The following KCNG3 variants were observed in gnomAD, a reference collection of about 807,000 sequenced individuals.
KCNG3 encodes the protein voltage-gated potassium channel regulatory subunit KCNG3.
In KCNG3, 15 loss-of-function variants were observed where a neutral mutation model predicts 29.0. The observed-to-expected ratio is 0.52, with a 90% CI of 0.35 to 0.80. The LOEUF (loss-of-function observed/expected upper bound fraction) is 0.80. Ranked by LOEUF, KCNG3 falls within the 30% of genes least tolerant of loss-of-function variation. The probability of loss-of-function intolerance (pLI) is 0.01; values close to 1 mark genes in which losing one functional copy is unlikely to be tolerated. For synonymous variants in KCNG3, 322 were observed against 248.9 expected, an observed-to-expected ratio of 1.29 and a Z score of -2.76; for missense variants, 512 against 605.7, an observed-to-expected ratio of 0.85 and a Z score of 1.62.
intron 1 of KCNG3, among the ~76,000 whole-genome samples, chr2:42,464,898 T>C (rs1673102875): frequency 6.6e-6 from 1 of 152,132 alleles, no homozygotes; most frequent in African/African-American, 2.4e-5. Flanking sequence ...AGTAGGGCTG[T>C]GTGTCTTTAA....
At chr2:42,418,683 T>A in the KCNG3 span, among the ~76,000 whole-genome samples, 1 of 152,178 alleles carries the variant, frequency 6.6e-6, no homozygotes, top group African/African-American at 2.4e-5. Context: ...GTTAAAAACA[T>A]GTATCATAAA....
the KCNG3 span, among the ~76,000 whole-genome samples, chr2:42,394,454 CCTT>C: frequency 1.3e-5 from 2 of 152,190 alleles, no homozygotes; most frequent in Non-Finnish European, 2.9e-5. Context: ...TTAGCTCAGG[CCTT>C]CTCTAGACCC....
intron 1 of KCNG3, among the ~76,000 whole-genome samples, chr2:42,462,942 A>T (rs1163973096): frequency 6.6e-6 from 1 of 152,176 alleles, no homozygotes; most frequent in Non-Finnish European, 1.5e-5. Context: ...TCTACAGCTA[A>T]AAGGACCTTT....
downstream of KCNG3, among the ~76,000 whole-genome samples, chr2:42,441,077 G>T (rs745427565): frequency 6.6e-6 from 1 of 152,070 alleles, no homozygotes; most frequent in Non-Finnish European, 1.5e-5. Context: ...ATACTTAATG[G>T]TTTTTTAAAA....
intron 1 of KCNG3, among the ~76,000 whole-genome samples, chr2:42,474,808 T>C (rs372980911): frequency 6.6e-6 from 1 of 152,190 alleles, no homozygotes; most frequent in Non-Finnish European, 1.5e-5. Context: ...GAAAATTACA[T>C]ATGGACAAAT....
the KCNG3 span, among the ~76,000 whole-genome samples, chr2:42,417,931 C>T: frequency 6.6e-6 from 1 of 151,574 alleles, no homozygotes; most frequent in East Asian, 1.9e-4. Context: ...GAGATCGCGC[C>T]ACTGCACTCC....
intron 1 of KCNG3, among the ~76,000 whole-genome samples, chr2:42,465,000 A>T (rs1209405533): frequency 6.6e-6 from 1 of 152,196 alleles, no homozygotes; most frequent in African/African-American, 2.4e-5. Context: ...TGGTACAAAA[A>T]ATTTAATCAT....
At chr2:42,398,694 C>T in the KCNG3 span, among the ~76,000 whole-genome samples, 7 of 152,126 alleles carry the variant, frequency 4.6e-5, no homozygotes, top group Admixed American at 1.3e-4. Flanking sequence ...CACAAAGATG[C>T]GAGAGGCAAG....
At chr2:42,439,652 AT>A (rs34205032), downstream of KCNG3, among the ~76,000 whole-genome samples, 4 of 148,158 alleles carry the variant, frequency 2.7e-5, no homozygotes, top group Admixed American at 1.3e-4. Flanking sequence ...ATAAAAAAAA[AT>A]TTTTTTTTTT....
chr2:42,490,041 A>T (rs531010273), intron 1 of KCNG3, among the ~76,000 whole-genome samples: 144 of 152,298 alleles, frequency 9.5e-4, no homozygotes, highest in Non-Finnish European at 1.7e-3. Context: ...TACCCTAAAC[A>T]CAAAACTGGC....
At chr2:42,467,002 C>A (rs1673158249) in intron 1 of KCNG3, among the ~76,000 whole-genome samples, 1 of 152,058 alleles carries the variant, frequency 6.6e-6, no homozygotes, top group African/African-American at 2.4e-5. Flanking sequence ...ATCCGCCCGC[C>A]TCGGCCTCCC....
chr2:42,441,385 C>G (rs1363228829), downstream of KCNG3, among the ~76,000 whole-genome samples: 2 of 151,914 alleles, frequency 1.3e-5, no homozygotes, highest in Non-Finnish European at 2.9e-5. Flanking sequence ...AAAACTCTAT[C>G]TCTAGAAAAA....
At chr2:42,455,202 C>T (rs1672849676) in intron 1 of KCNG3, among the ~76,000 whole-genome samples, 1 of 152,140 alleles carries the variant, frequency 6.6e-6, no homozygotes, top group Non-Finnish European at 1.5e-5. Flanking sequence ...GTTGCTCAGG[C>T]TGGTCTCAAA....
chr2:42,444,650 G>T lies in KCNG3; in HGVS notation c.666-71C>A, dbSNP rs1672556236. 1 of 1,349,698 alleles carries T rather than the reference G, an allele frequency of 7.4e-7. No homozygotes were observed. The highest frequency in any genetic ancestry group is 1.0e-6 in the Non-Finnish European group (1 of 973,856). 83.6% of individuals were successfully genotyped at this position (1,349,698 alleles called of 1,614,324 possible). ...TTTTAATAGCTCTTAGATTTCTTCA[G>T]ATAGTACTACACTGACATACTAATT... is the stretch of plus-strand genomic sequence containing the variant. On this transcript the variant is annotated intron_variant, in intron 1 of 1. Coordinates refer to ENST00000306078, the MANE Select transcript of KCNG3 (RefSeq NM_133329.6). This position sits in a 1 kb window ranked among gnomAD's most constrained non-coding sequence, Gnocchi z 5.8.
At chr2:42,439,778 CT>C (rs1180514937), downstream of KCNG3, among the ~76,000 whole-genome samples, 3 of 151,624 alleles carry the variant, frequency 2.0e-5, no homozygotes, top group Non-Finnish European at 4.4e-5. Context: ...TCCCAAGTAG[CT>C]GGGATTACAG....
intron 1 of KCNG3, among the ~76,000 whole-genome samples, chr2:42,445,557 G>A (rs562584978): frequency 1.4e-3 from 206 of 152,242 alleles, no homozygotes; most frequent in Non-Finnish European, 2.3e-3. Flanking sequence ...CAAAATGGCC[G>A]CTAGGATTTT....
chr2:42,414,438 G>A, the KCNG3 span, among the ~76,000 whole-genome samples: 2 of 152,026 alleles, frequency 1.3e-5, no homozygotes, highest in Non-Finnish European at 2.9e-5. Flanking sequence ...CTGTTATTCT[G>A]ATTGTCATTC....
chr2:42,444,650 G>A lies in KCNG3; in HGVS notation c.666-71C>T. On this transcript the variant is annotated intron_variant, in intron 1 of 1. Transcript: ENST00000306078. This position sits in a 1 kb window ranked among gnomAD's most constrained non-coding sequence, Gnocchi z 5.8. ...TTTTAATAGCTCTTAGATTTCTTCA[G>A]ATAGTACTACACTGACATACTAATT... The A allele has an allele frequency of 7.4e-7, 1 of 1,349,704 alleles. No homozygotes were observed. 83.6% of individuals were successfully genotyped at this position (1,349,704 alleles called of 1,614,324 possible).
the KCNG3 span, among the ~76,000 whole-genome samples, chr2:42,410,001 A>C: frequency 1.3e-5 from 2 of 152,150 alleles, no homozygotes; most frequent in African/African-American, 4.8e-5. Flanking sequence ...TGGGTTTCAT[A>C]ATCAAATATG....
Sources: allele counts gnomAD v4.1 joint callset (sites outside exome capture counted in the v4.1 genomes callset), GRCh38; gene constraint gnomAD v4.1.1; non-coding constraint Gnocchi (gnomAD v3.1); transcripts MANE v1.5; gene names NCBI Gene and HGNC (gene_info 2026-07-23, HGNC 2026-07-21).